The following DNAH11 variants were observed in gnomAD, a reference collection of about 807,000 sequenced individuals.
DNAH11 encodes the protein axonemal beta dynein heavy chain 11.
DNAH11 carries 442 observed loss-of-function variants against 526.0 expected under a neutral mutation model. The ratio of observed to expected loss-of-function variants is 0.84; its 90% CI spans 0.78 to 0.91. The LOEUF is 0.91. Ranked by LOEUF, DNAH11 falls within the 40% of genes least tolerant of loss-of-function variation. The pLI is 0.00. For missense variants in DNAH11, 6,989 were observed against 5,448.7 expected (o/e 1.28, Z -8.90); for synonymous variants, 2,461 against 1,935.9 (o/e 1.27, Z -7.12).
Position 21,545,101 on chromosome 7 carries a change from A to G in DNAH11, c.447A>G (p.Gly149=), listed in dbSNP as rs886062170. 6.8e-6 allele frequency: 11 copies of G among 1,610,706 alleles called. No homozygotes were observed. The highest frequency in any genetic ancestry group is 9.3e-6 in the Non-Finnish European group (11 of 1,178,196). ...VNDFSQVVLF[G]ELPALSLGHV... is the part of the protein sequence containing the mutation. The stretch of plus-strand genomic sequence containing the variant: ...ACTTTTCTCAAGTGGTTTTATTTGG[A>G]GAGTTACCTGCGTTGTCTCTTGGAC... The change falls in exon 2 of 82, where the codon GGA becomes GGG. Residue 149 remains glycine (G), a synonymous_variant. Coordinates refer to ENST00000409508, the MANE Select transcript of DNAH11 (RefSeq NM_001277115.2).
intron 25 of DNAH11, among the ~76,000 whole-genome samples, chr7:21,622,134 A>C (rs1786091232): frequency 6.6e-6 from 1 of 152,162 alleles, no homozygotes; most frequent in Admixed American, 6.5e-5. Context: ...CAGGATACAA[A>C]ATCAACGTAC....
Position 21,704,439 on chromosome 7 carries a change from C to A in DNAH11, c.6279C>A (p.Leu2093=). The stretch of plus-strand genomic sequence containing the variant: ...TAAAATGTTTTTTTTTCTAGGTACT[C>A]ATGAGAGCATTAAGGGATTTCAATA... ...GDKNRPEDQV[L]MRALRDFNMP... Residue 2093 remains leucine (L), a synonymous_variant, in exon 38 of 82, where the codon CTC becomes CTA. Transcript: ENST00000409508. 1 of 1,612,324 alleles carries A rather than the reference C, an allele frequency of 6.2e-7. No individual in the cohort carries two copies. Among genetic ancestry groups the A allele is most frequent in the Non-Finnish European group, 8.5e-7 (1 of 1,179,054 alleles).
intron 25 of DNAH11, among the ~76,000 whole-genome samples, chr7:21,627,588 A>G (rs900807730): frequency 3.3e-5 from 5 of 152,172 alleles, no homozygotes; most frequent in African/African-American, 4.8e-5. Flanking sequence ...AATTGGCTGT[A>G]AATGTATGGG....
rs967845175 is a variant in DNAH11, at chr7:21,642,827, G to A, written c.4944+3762G>A. The stretch of plus-strand genomic sequence containing the variant: ...GGGAGGTCTGATAACCACTACAACC[G>A]CCATTCTGCAAGCAGAAACCCCCAG... On this transcript the variant is annotated intron_variant, in intron 28 of 81. Coordinates refer to ENST00000409508, the MANE Select transcript of DNAH11 (RefSeq NM_001277115.2). Among the ~76,000 whole-genome samples, 3 of 152,030 alleles carry A rather than the reference G, an allele frequency of 2.0e-5. No individual in the cohort carries two copies. In the South Asian group the frequency reaches 6.2e-4, roughly 32 times the overall value.
chr7:21,808,110 A>T, intron 63 of DNAH11, 61 bp downstream of exon 63: 1 of 1,298,220 alleles, frequency 7.7e-7, no homozygotes, highest in Non-Finnish European at 1.0e-6. Context: ...TTCAGTAGTA[A>T]AACCCACATA....
At chr7:21,584,674 A>T (rs1467463668) in intron 9 of DNAH11, among the ~76,000 whole-genome samples, 1 of 152,190 alleles carries the variant, frequency 6.6e-6, no homozygotes, top group Admixed American at 6.6e-5. Flanking sequence ...GCCTGTTGTT[A>T]TAAAATGACC....
rs374684945 is a variant in DNAH11, at chr7:21,824,013, C to G, written c.10691+5674C>G. ...TCTGCTAAGAGATTCCTGTATAAAG[C>G]TAGAGGACACACCTTCCGTTTAAGG... On this transcript the variant is annotated intron_variant, in intron 65 of 81. Coordinates refer to ENST00000409508, the MANE Select transcript of DNAH11 (RefSeq NM_001277115.2). 4.0e-5 allele frequency among the ~76,000 whole-genome samples: 6 copies of G among 151,624 alleles called. No individual in the cohort carries two copies. In the East Asian group the frequency reaches 5.8e-4, roughly 15 times the overall value.
At chr7:21,853,524 T>G (rs1782720039) in intron 67 of DNAH11, among the ~76,000 whole-genome samples, 1 of 152,230 alleles carries the variant, frequency 6.6e-6, no homozygotes, top group South Asian at 2.1e-4. Flanking sequence ...TCCTATCTTC[T>G]TAATATATCA....
chr7:21,697,356 C>T (rs1262754764), intron 35 of DNAH11, among the ~76,000 whole-genome samples: 2 of 152,016 alleles, frequency 1.3e-5, no homozygotes, highest in Non-Finnish European at 2.9e-5. Context: ...CCCAGTTGGT[C>T]CTAGGCAGTG....
chr7:21,821,498 C>G (rs981998169), intron 65 of DNAH11, among the ~76,000 whole-genome samples: 1 of 152,070 alleles, frequency 6.6e-6, no homozygotes, highest in Admixed American at 6.6e-5. Flanking sequence ...AATTAACGTC[C>G]TCTTGCATAC....
chr7:21,671,020 T>G (rs1346034951), intron 30 of DNAH11, among the ~76,000 whole-genome samples: 1 of 152,198 alleles, frequency 6.6e-6, no homozygotes, highest in African/African-American at 2.4e-5. Context: ...CAGGGTATAC[T>G]CCTTAGAAGG....
At chr7:21,708,059 T>A (rs1583614264) in intron 40 of DNAH11, among the ~76,000 whole-genome samples, 1 of 152,240 alleles carries the variant, frequency 6.6e-6, no homozygotes, top group Non-Finnish European at 1.5e-5. Flanking sequence ...TGTTGTATTT[T>A]ATCCCACGTC....
chr7:21,663,282 A>G (rs1782305492), intron 30 of DNAH11, among the ~76,000 whole-genome samples: 1 of 152,074 alleles, frequency 6.6e-6, no homozygotes, highest in South Asian at 2.1e-4. Context: ...GTTGCAATAA[A>G]CATAGGGGTA....
rs1244749266 is a variant in DNAH11 at position 21,866,444 on chromosome 7, C to T, written c.11497-26C>T. 11 of 1,591,726 alleles carry T rather than the reference C, an allele frequency of 6.9e-6. No homozygotes were observed. In the East Asian group the frequency reaches 2.5e-4, roughly 36 times the overall value. The stretch of plus-strand genomic sequence containing the variant: ...CTGTAAAGTATCGTTCACACCATTC[C>T]TACTTGTTTCCCTATCATATTACAG... On this transcript the variant is annotated intron_variant, in intron 70 of 81. Coordinates refer to ENST00000409508, the MANE Select transcript of DNAH11 (RefSeq NM_001277115.2).
chr7:21,810,609 C>T (rs10237299), intron 63 of DNAH11, among the ~76,000 whole-genome samples: 62,829 of 151,884 alleles, frequency 0.41, 13,911 homozygotes, highest in East Asian at 0.82. Context: ...AGTCGCCACA[C>T]AGCTTTAAGA....
In DNAH11 at chr7:21,864,665, A is replaced by G; in HGVS notation, c.11496+8A>G. ...TCATGGAGTGCTATCAAGGTATGTTAGGAATACAGTTTCTCAAATTCTGGA... is the reference window on the plus strand; with the variant it reads ...TCATGGAGTGCTATCAAGGTATGTTGGGAATACAGTTTCTCAAATTCTGGA... On this transcript the variant is annotated splice_region_variant and intron_variant, in intron 70 of 81. Coordinates refer to ENST00000409508, the MANE Select transcript of DNAH11 (RefSeq NM_001277115.2). 6.4e-7 allele frequency: 1 copy of G among 1,572,626 alleles called. No individual in the cohort carries two copies. The highest frequency in any genetic ancestry group is 8.6e-7 in the Non-Finnish European group (1 of 1,161,448).
intron 30 of DNAH11, among the ~76,000 whole-genome samples, chr7:21,669,242 A>C (rs142395448): frequency 6.7e-6 from 1 of 149,174 alleles, no homozygotes. Flanking sequence ...GTGCAGTGGC[A>C]CAATCTGCAG....
At chr7:21,728,907 C>T (rs1451745419) in intron 45 of DNAH11, among the ~76,000 whole-genome samples, 3 of 152,240 alleles carry the variant, frequency 2.0e-5, no homozygotes, top group Non-Finnish European at 4.4e-5. Context: ...TGCCCTGTAC[C>T]GGGGCCCACT....
At chr7:21,626,820 G>T (rs997944824) in intron 25 of DNAH11, among the ~76,000 whole-genome samples, 2 of 141,262 alleles carry the variant, frequency 1.4e-5, no homozygotes, top group Admixed American at 7.6e-5. Flanking sequence ...GCGTGATCTC[G>T]GCTCACTGCA....
Sources: allele counts gnomAD v4.1 joint callset (sites outside exome capture counted in the v4.1 genomes callset), GRCh38; gene constraint gnomAD v4.1.1; transcripts MANE v1.5; gene names NCBI Gene and HGNC (gene_info 2026-07-23, HGNC 2026-07-21).